The following SHISA5 variants were observed in gnomAD, a reference collection of about 807,000 sequenced individuals.
SHISA5 encodes shisa family member 5.
A neutral mutation model predicts 27.5 loss-of-function variants in SHISA5; 21 were observed. The ratio of observed to expected loss-of-function variants is 0.76; its 90% confidence interval spans 0.54 to 1.10. The LOEUF is 1.10. SHISA5 is among the 50% of genes least tolerant of loss of function. The probability of loss-of-function intolerance (pLI) is 0.00; values close to 1 mark genes in which losing one functional copy is unlikely to be tolerated. For synonymous variants in SHISA5, 137 were observed against 142.2 expected (o/e 0.96, Z 0.26); for missense variants, 314 against 336.3 (o/e 0.93, Z 0.52).
intron 2 of SHISA5, among the ~76,000 whole-genome samples, chr3:48,496,881 A>C (rs2107375527): frequency 6.6e-6 from 1 of 152,308 alleles, no homozygotes; most frequent in South Asian, 2.1e-4. Flanking sequence ...AACTAAATAC[A>C]AGAGCAGAAA....
intron 2 of SHISA5, among the ~76,000 whole-genome samples, chr3:48,480,622 A>C (rs1196626394): frequency 1.3e-5 from 2 of 152,144 alleles, no homozygotes; most frequent in East Asian, 3.9e-4. Flanking sequence ...AGCCGGGCTC[A>C]GTGGCATGCA....
chr3:48,481,885 G>C (rs1348438807), intron 2 of SHISA5, among the ~76,000 whole-genome samples: 2 of 151,714 alleles, frequency 1.3e-5, no homozygotes, highest in Admixed American at 1.3e-4. Context: ...GGCTAACACA[G>C]TGAAACCCTG....
intron 2 of SHISA5, among the ~76,000 whole-genome samples, chr3:48,488,344 T>G (rs556474594): frequency 6.6e-6 from 1 of 150,378 alleles, no homozygotes; most frequent in South Asian, 2.1e-4. Flanking sequence ...TCTCCTCCCT[T>G]AGCCTCCCGA....
At position 48,501,174 on chromosome 3, in the gene SHISA5, C is replaced by A; in HGVS notation, c.196G>T (p.Val66Leu). ...ACAGCACACCTTTCCTCGCTCCACA[C>A]AAATTTCTTCAGCACGTCAGAGCAG... ...YCCSDVLKKF[V>L]WSEERCAVPE... The change falls in exon 2 of 6, where the codon GTG becomes TTG. Residue 66 changes from valine to leucine, a missense_variant. Transcript: ENST00000296444. The A allele has an allele frequency of 6.2e-7, 1 of 1,614,030 alleles. No homozygotes were observed. Among genetic ancestry groups the A allele is most frequent in the Non-Finnish European group, 8.5e-7 (1 of 1,179,920 alleles).
At chr3:48,503,330 C>T (rs746048138) in intron 1 of SHISA5, 1 of 469,250 alleles carries the variant, frequency 2.1e-6, no homozygotes, top group Non-Finnish European at 4.0e-6. Context: ...CACAAGTCTC[C>T]CCTTTCTCAT....
At chr3:48,478,818 C>T (rs898226) in intron 3 of SHISA5, among the ~76,000 whole-genome samples, 3,865 of 152,160 alleles carry the variant, frequency 0.025, 184 homozygotes, top group African/African-American at 0.088. Context: ...ATATACCCGC[C>T]CCCATCTACC....
chr3:48,496,008 C>T lies in SHISA5; in HGVS notation c.233+5129G>A, dbSNP rs2041537276. Among the ~76,000 whole-genome samples the T allele has an allele frequency of 3.4e-5, 5 of 146,650 alleles. 2 individuals are homozygous for T. Among genetic ancestry groups the T allele is most frequent in the African/African-American group, 1.4e-4 (5 of 36,744 alleles). ...TCAACTAAAAATACAAAAATTAGGC[C>T]GGGCGCAGTGGCTCAAGCCTGTAAT... On this transcript the variant is annotated intron_variant, in intron 2 of 5. Coordinates refer to ENST00000296444, the MANE Select transcript of SHISA5 (RefSeq NM_016479.6).
chr3:48,499,082 CAA>C (rs777373636), intron 2 of SHISA5, among the ~76,000 whole-genome samples: 17 of 43,508 alleles, frequency 3.9e-4, no homozygotes, highest in Admixed American at 1.1e-3. Context: ...AACTCCATCT[CAA>C]AAAAAAAAAA....
chr3:48,480,494 C>G (rs1326306110), intron 2 of SHISA5, among the ~76,000 whole-genome samples: 1 of 152,076 alleles, frequency 6.6e-6, no homozygotes, highest in African/African-American at 2.4e-5. Flanking sequence ...AGATTTGTAT[C>G]TTTAATAGAA....
At chr3:48,484,734 A>C (rs1260914512) in intron 2 of SHISA5, among the ~76,000 whole-genome samples, 1 of 151,704 alleles carries the variant, frequency 6.6e-6, no homozygotes, top group Non-Finnish European at 1.5e-5. Flanking sequence ...CCTACTAAAA[A>C]TACAAAAAAT....
Position 48,469,684 on chromosome 3 carries a change from T to C in SHISA5, c.430+44A>G, listed in dbSNP as rs202016814. 748 of 1,611,022 alleles carry C rather than the reference T, an allele frequency of 4.6e-4. 3 individuals carry two copies. Among genetic ancestry groups the C allele is most frequent in the Non-Finnish European group, 4.6e-4 (547 of 1,178,416 alleles). Reference sequence around the variant, plus strand: ...AAAGCAGGGCCTGGTCAGCTTCCCTTACCACCCCAGGGGGTCACAGTGGGG... The same window carrying C: ...AAAGCAGGGCCTGGTCAGCTTCCCTCACCACCCCAGGGGGTCACAGTGGGG... On this transcript the variant is annotated intron_variant, in intron 4 of 5. Coordinates refer to ENST00000296444, the MANE Select transcript of SHISA5 (RefSeq NM_016479.6). The surrounding 1 kb of genome is among the most constrained non-coding windows in gnomAD (Gnocchi z 4.6).
At chr3:48,484,635 T>C (rs2107338470) in intron 2 of SHISA5, among the ~76,000 whole-genome samples, 1 of 151,962 alleles carries the variant, frequency 6.6e-6, no homozygotes, top group Admixed American at 6.6e-5. Context: ...CTCATGCCTG[T>C]AATCCCAGCA....
intron 1 of SHISA5, chr3:48,503,057 T>C (rs980566239): frequency 1.7e-5 from 21 of 1,249,318 alleles, no homozygotes; most frequent in South Asian, 1.1e-4. Flanking sequence ...GAGCAGAGGA[T>C]TGGACCATTG....
At chr3:48,483,679 C>T (rs1301956468) in intron 2 of SHISA5, among the ~76,000 whole-genome samples, 1 of 151,602 alleles carries the variant, frequency 6.6e-6, no homozygotes, top group Non-Finnish European at 1.5e-5. Context: ...GCAGAGGCGC[C>T]CCTCACCTCC....
chr3:48,486,913 T>C lies in SHISA5; in HGVS notation c.234-7656A>G, dbSNP rs138911797. Among the ~76,000 whole-genome samples, 61 of 127,302 alleles carry C rather than the reference T, an allele frequency of 4.8e-4. 1 individual carries two copies. In the East Asian group the frequency reaches 0.013, roughly 28 times the overall value. 83.5% of individuals were successfully genotyped at this position (127,302 alleles called of 152,430 possible). ...CCAGCCTGGGTGACAGAGACAAGAC[T>C]CCATCTCAAAAAAAAAAAAAAGAAA... is the stretch of plus-strand genomic sequence containing the variant. On this transcript the variant is annotated intron_variant, in intron 2 of 5. Coordinates refer to ENST00000296444, the MANE Select transcript of SHISA5 (RefSeq NM_016479.6).
At position 48,473,700 on chromosome 3, in the gene SHISA5, C is replaced by T. The variant is rs984227077; in HGVS notation, c.315-3857G>A. The T allele has an allele frequency of 5.7e-6, 4 of 700,500 alleles. No homozygotes were observed. In the African/African-American group the frequency reaches 7.8e-5, roughly 14 times the overall value. 43.4% of individuals were successfully genotyped at this position (700,500 alleles called of 1,614,324 possible). A position where few individuals can be genotyped will look rare whatever the true frequency, so the allele number is the denominator to read the frequency against. On this transcript the variant is annotated intron_variant, in intron 3 of 5. Coordinates refer to ENST00000296444, the MANE Select transcript of SHISA5 (RefSeq NM_016479.6). This position sits in a 1 kb window ranked among gnomAD's most constrained non-coding sequence, Gnocchi z 4.3. ...GCTCTTGCGATTACAAAGGAATTTG[C>T]TTTATAATTACATGTTAAACTGAGT... is the stretch of plus-strand genomic sequence containing the variant.
intron 2 of SHISA5, among the ~76,000 whole-genome samples, chr3:48,482,929 G>A (rs894046221): frequency 3.3e-5 from 5 of 151,050 alleles, no homozygotes; most frequent in African/African-American, 4.9e-5. Flanking sequence ...CACCGTGCCC[G>A]GCCTTTTTCT....
chr3:48,497,604 A>G (rs887884482), intron 2 of SHISA5, among the ~76,000 whole-genome samples: 2 of 151,930 alleles, frequency 1.3e-5, no homozygotes, highest in African/African-American at 2.4e-5. Context: ...TTAAAAAAAA[A>G]GAGGGATTTC....
At chr3:48,481,795 C>A (rs2107327100) in intron 2 of SHISA5, among the ~76,000 whole-genome samples, 1 of 140,072 alleles carries the variant, frequency 7.1e-6, no homozygotes, top group South Asian at 2.3e-4. Flanking sequence ...CGGCCGGGTG[C>A]AGTGGCTCAC....
Sources: gnomAD v4.1 joint callset for allele counts (sites outside exome capture counted in the v4.1 genomes callset) on GRCh38, gnomAD v4.1.1 for gene constraint, Gnocchi (gnomAD v3.1) non-coding constraint, MANE v1.5 for transcripts, NCBI Gene and HGNC (gene_info 2026-07-23, HGNC 2026-07-21) for gene names.